Variants in MRM3 observed in about 807,000 individuals in gnomAD.
MRM3 encodes the protein mitochondrial rRNA methyltransferase 3.
In MRM3, 26 loss-of-function variants were observed where a neutral mutation model predicts 29.4. The ratio of observed to expected loss-of-function variants is 0.89; its 90% CI spans 0.65 to 1.23. The LOEUF is 1.23. Ranked by LOEUF, MRM3 falls within the 50% of genes most tolerant of loss-of-function variation. The probability of loss-of-function intolerance (pLI) is 0.00; values close to 1 mark genes in which losing one functional copy is unlikely to be tolerated. For missense variants in MRM3, 578 were observed against 540.2 expected (o/e 1.07, Z -0.69); for synonymous variants, 225 against 219.0 (o/e 1.03, Z -0.24).
rs185421975 is a variant in MRM3 at position 784,845 on chromosome 17, G to C, written c.559+1518G>C. On this transcript the variant is annotated intron_variant, in intron 2 of 3. Transcript: ENST00000304478. Reference sequence around the variant, plus strand: ...CCTCAGCCCTACTGAATGGCTTTTGGCCATCTGTGACTCCGAAGTGGAGGC... The same window carrying C: ...CCTCAGCCCTACTGAATGGCTTTTGCCCATCTGTGACTCCGAAGTGGAGGC... Among the ~76,000 whole-genome samples the C allele has an allele frequency of 1.2e-3, 181 of 152,222 alleles. 1 individual carries two copies. The highest frequency in any genetic ancestry group is 4.2e-3 in the African/African-American group (175 of 41,528).
intron 2 of MRM3, 21 bp downstream of exon 2, chr17:783,348 T>TA: frequency 7.0e-7 from 1 of 1,435,844 alleles, no homozygotes; most frequent in Non-Finnish European, 9.1e-7. Flanking sequence ...ACCCAGTGTA[T>TA]CTTTTTTTTT....
chr17:790,414 C>G (rs1393110104), intron 3 of MRM3: 2 of 168,546 alleles, frequency 1.2e-5, no homozygotes, highest in Non-Finnish European at 2.6e-5. Context: ...ATACTGTCTT[C>G]TGATAAAATG....
Position 792,074 on chromosome 17 carries a change from G to A in MRM3, c.*5G>A. The A allele has an allele frequency of 1.3e-6, 2 of 1,579,302 alleles. No homozygotes were observed. The highest frequency in any genetic ancestry group is 1.7e-6 in the Non-Finnish European group (2 of 1,160,060). The stretch of plus-strand genomic sequence containing the variant: ...AGGGACAGGAGTTACCACTGAGGAC[G>A]CAGAAGTGACTTCTGCTTGAGGACG... On this transcript the variant is annotated 3_prime_UTR_variant, in exon 4 of 4. Coordinates refer to ENST00000304478, the MANE Select transcript of MRM3 (RefSeq NM_018146.4).
intron 3 of MRM3, among the ~76,000 whole-genome samples, chr17:791,181 TTC>T (rs972952741): frequency 6.6e-6 from 1 of 152,146 alleles, no homozygotes; most frequent in African/African-American, 2.4e-5. Flanking sequence ...GTGTGGGTGC[TTC>T]TTTTACATCA....
chr17:791,906 T>C lies in MRM3; in HGVS notation c.1100T>C (p.Leu367Pro), dbSNP rs766974146. The C allele has an allele frequency of 1.9e-6, 3 of 1,613,964 alleles. No homozygotes were observed. Among genetic ancestry groups the C allele is most frequent in the East Asian group, 2.2e-5 (1 of 44,878 alleles). The change falls in exon 4 of 4, where the codon CTG becomes CCG. Residue 367 changes from leucine (L) to proline (P), a missense_variant. Physicochemically the swap from Leu to Pro is moderately conservative, Grantham distance 98. Coordinates refer to ENST00000304478, the MANE Select transcript of MRM3 (RefSeq NM_018146.4). ...GETYGVSLES[L>P]QLAESTGGKR... ...ACCTACGGCGTGAGCCTGGAGTCCCTGCAGCTGGCCGAGAGCACTGGTGGC... is the reference window on the plus strand; with the variant it reads ...ACCTACGGCGTGAGCCTGGAGTCCCCGCAGCTGGCCGAGAGCACTGGTGGC...
At chr17:789,442 A>T (rs1263104062) in intron 3 of MRM3, among the ~76,000 whole-genome samples, 2 of 152,184 alleles carry the variant, frequency 1.3e-5, no homozygotes, top group African/African-American at 4.8e-5. Context: ...TTCTCATCAG[A>T]AATAGGGATT....
rs577820698 is a variant in MRM3, at chr17:792,189, G to A, written c.*120G>A. On this transcript the variant is annotated 3_prime_UTR_variant, in exon 4 of 4. Transcript: ENST00000304478. ...ACGTTCAGGAGGAAGGTGTGATGCCGTCATACAGTTACAGGAAAAATAAGA... is the reference window on the plus strand; with the variant it reads ...ACGTTCAGGAGGAAGGTGTGATGCCATCATACAGTTACAGGAAAAATAAGA... 14 of 946,476 alleles carry A rather than the reference G, an allele frequency of 1.5e-5. No individual in the cohort carries two copies. Among genetic ancestry groups the A allele is most frequent in the East Asian group, 1.0e-4 (4 of 39,092 alleles). 58.6% of individuals were successfully genotyped at this position (946,476 alleles called of 1,614,324 possible). A position where few individuals can be genotyped will look rare whatever the true frequency, so the allele number is the denominator to read the frequency against.
rs189016834 is a variant in MRM3 at position 782,361 on chromosome 17, G to T, written c.-18G>T. On this transcript the variant is annotated 5_prime_UTR_variant, in exon 1 of 4. Coordinates refer to ENST00000304478, the MANE Select transcript of MRM3 (RefSeq NM_018146.4). ...GCCGACGGCGCGCTTTCGTGACGCAGCCCGGGTCTCAGGGAACATGGCGGC... is the reference window on the plus strand; with the variant it reads ...GCCGACGGCGCGCTTTCGTGACGCATCCCGGGTCTCAGGGAACATGGCGGC... 1 of 1,613,260 alleles carries T rather than the reference G, an allele frequency of 6.2e-7. No homozygotes were observed. Among genetic ancestry groups the T allele is most frequent in the South Asian group, 1.1e-5 (1 of 91,006 alleles).
In MRM3 at chr17:791,565, C is replaced by T; in HGVS notation, c.759C>T (p.Leu253=). 6.2e-7 allele frequency: 1 copy of T among 1,614,056 alleles called. No individual in the cohort carries two copies. The highest frequency in any genetic ancestry group is 8.5e-7 in the Non-Finnish European group (1 of 1,179,954). ...TGGATGCCTGGGAGCCCAAAGTGCT[C>T]CGGGCGGGTATGGGCGCACATTTCC... is the stretch of plus-strand genomic sequence containing the variant. The part of the protein sequence containing the change: ...GCVDAWEPKV[L]RAGMGAHFRM... The change falls in exon 4 of 4, where the codon CTC becomes CTT. Residue 253 remains leucine, a synonymous_variant. Transcript: ENST00000304478.
Position 792,407 on chromosome 17 carries a change from T to C in MRM3, c.*338T>C, listed in dbSNP as rs903519173. 1.1e-5 allele frequency: 3 copies of C among 266,580 alleles called. No individual in the cohort carries two copies. The highest frequency in any genetic ancestry group is 2.1e-5 in the Non-Finnish European group (3 of 140,046). The allele number at this position is 266,580 out of a possible 1,614,324, so 16.5% of individuals were successfully genotyped here. A position where few individuals can be genotyped will look rare whatever the true frequency, so the allele number is the denominator to read the frequency against. Reference sequence around the variant, plus strand: ...GGGAGGCGCCTGCTCCACCAGCTGGTGGGTGTTTGTAATCGCCAAGCACCA... The same window carrying C: ...GGGAGGCGCCTGCTCCACCAGCTGGCGGGTGTTTGTAATCGCCAAGCACCA... On this transcript the variant is annotated 3_prime_UTR_variant, in exon 4 of 4. Coordinates refer to ENST00000304478, the MANE Select transcript of MRM3 (RefSeq NM_018146.4).
intron 2 of MRM3, among the ~76,000 whole-genome samples, chr17:785,254 C>G (rs1910481215): frequency 6.6e-6 from 1 of 152,064 alleles, no homozygotes; most frequent in South Asian, 2.1e-4. Flanking sequence ...GTGATACACC[C>G]ATGTGAATAA....
chr17:782,760 T>C, intron 1 of MRM3, 68 bp downstream of exon 1: 1 of 1,476,434 alleles, frequency 6.8e-7, no homozygotes, highest in Non-Finnish European at 9.1e-7. Context: ...AACCTTAACC[T>C]CCTTCCGATG....
Position 792,205 on chromosome 17 carries a change from A to G in MRM3, c.*136A>G. On this transcript the variant is annotated 3_prime_UTR_variant, in exon 4 of 4. Coordinates refer to ENST00000304478, the MANE Select transcript of MRM3 (RefSeq NM_018146.4). ...TGTGATGCCGTCATACAGTTACAGG[A>G]AAAATAAGAACTTCCTCAGAAAGAA... The G allele has an allele frequency of 8.6e-6, 7 of 815,842 alleles. No homozygotes were observed. Among genetic ancestry groups the G allele is most frequent in the Non-Finnish European group, 1.3e-5 (7 of 533,776 alleles). The allele number at this position is 815,842 out of a possible 1,614,324, so 50.5% of individuals were successfully genotyped here. A position where few individuals can be genotyped will look rare whatever the true frequency, so the allele number is the denominator to read the frequency against.
Position 782,456 on chromosome 17 carries a change from G to T in MRM3, c.78G>T (p.Ala26=). ...TGGTCCAGGCTTGGGACCTTGACGCGAGGCGCTGGGTCCGGGCGCTGCGGC... is the reference window on the plus strand; with the variant it reads ...TGGTCCAGGCTTGGGACCTTGACGCTAGGCGCTGGGTCCGGGCGCTGCGGC... ...LQVVQAWDLD[A]RRWVRALRRS... Residue 26 remains alanine (A), a synonymous_variant, in exon 1 of 4, where the codon GCG becomes GCT. Transcript: ENST00000304478. 1 of 1,613,914 alleles carries T rather than the reference G, an allele frequency of 6.2e-7. No individual in the cohort carries two copies. The highest frequency in any genetic ancestry group is 1.3e-5 in the African/African-American group (1 of 75,058).
intron 3 of MRM3, 66 bp from the exon 4 acceptor site, chr17:791,468 T>C: frequency 6.6e-7 from 1 of 1,520,910 alleles, no homozygotes; most frequent in Non-Finnish European, 8.9e-7. Context: ...TTGATCAGAC[T>C]TACTCCACAG....
In MRM3 at chr17:785,826, A is replaced by G. The variant is rs552803081; in HGVS notation, c.560-2139A>G. On this transcript the variant is annotated intron_variant, in intron 2 of 3. Coordinates refer to ENST00000304478, the MANE Select transcript of MRM3 (RefSeq NM_018146.4). ...AAAGATAAATCAGTATAGCAGGCTAATAATTGTTTTTTAAATATTTAAGCC... is the reference window on the plus strand; with the variant it reads ...AAAGATAAATCAGTATAGCAGGCTAGTAATTGTTTTTTAAATATTTAAGCC... 2.0e-5 allele frequency among the ~76,000 whole-genome samples: 3 copies of G among 152,352 alleles called. No individual in the cohort carries two copies. The South Asian group carries it at 6.2e-4, about 32-fold the overall frequency.
In MRM3 at chr17:783,248, G is replaced by A. The variant is rs371339359; in HGVS notation, c.480G>A (p.Leu160=). 1 of 1,613,900 alleles carries A rather than the reference G, an allele frequency of 6.2e-7. No individual in the cohort carries two copies. The highest frequency in any genetic ancestry group is 8.5e-7 in the Non-Finnish European group (1 of 1,179,972). The stretch of plus-strand genomic sequence containing the variant: ...TAAAGGAGTTGCCAGTCGATAAGCT[G>A]AAAGGTGTCAGCCTCATTAAGGTGA... The part of the protein sequence containing the change: ...EYLKELPVDK[L]KGVSLIKVKF... The change falls in exon 2 of 4, where the codon CTG becomes CTA. Residue 160 remains leucine, a synonymous_variant. Coordinates refer to ENST00000304478, the MANE Select transcript of MRM3 (RefSeq NM_018146.4).
chr17:789,608 TTGCCTAAATTGC>T (rs1910700828), intron 3 of MRM3: 1 of 152,328 alleles, frequency 6.6e-6, no homozygotes, highest in African/African-American at 2.4e-5. Flanking sequence ...TTGTTGAGAC[TTGCCTAAATTGC>T]TGCTCGCAGC....
chr17:790,158 T>TGGGAGGCC (rs1437612687), intron 3 of MRM3: 1 of 152,026 alleles, frequency 6.6e-6, no homozygotes, highest in Non-Finnish European at 1.5e-5. Flanking sequence ...CGGGGGAGGG[T>TGGGAGGCC]GGGAGGCCAT....
Sources: allele counts gnomAD v4.1 joint callset (sites outside exome capture counted in the v4.1 genomes callset), GRCh38; gene constraint gnomAD v4.1.1; transcripts MANE v1.5; gene names NCBI Gene and HGNC (gene_info 2026-07-23, HGNC 2026-07-21).